SH3RF3: variants seen among roughly 807,000 people sequenced by gnomAD.
SH3RF3 encodes SH3 domain containing ring finger 3.
In SH3RF3, 29 loss-of-function variants were observed where a neutral mutation model predicts 66.3. The ratio of observed to expected loss-of-function variants is 0.44; its 90% CI spans 0.33 to 0.60. The LOEUF (loss-of-function observed/expected upper bound fraction) is 0.60, where lower values mean the gene tolerates loss of function less well. Ranked by LOEUF, SH3RF3 falls within the 20% of genes least tolerant of loss-of-function variation. The pLI is 0.04. For synonymous variants in SH3RF3, 583 were observed against 532.0 expected (o/e 1.10, Z -1.32); for missense variants, 1,194 against 1,190.9 (o/e 1.00, Z -0.04).
At chr2:109,144,846 G>T (rs1263610587) in intron 1 of SH3RF3, among the ~76,000 whole-genome samples, 1 of 152,234 alleles carries the variant, frequency 6.6e-6, no homozygotes, top group East Asian at 1.9e-4. Flanking sequence ...CGGGCAGGGG[G>T]CGGAAGGCAT....
chr2:109,336,808 AT>A (rs1682432977), intron 1 of SH3RF3, among the ~76,000 whole-genome samples: 2 of 152,202 alleles, frequency 1.3e-5, no homozygotes, highest in Admixed American at 1.3e-4. Context: ...ATAAATCAAC[AT>A]GGAAATGGGG....
chr2:109,205,865 C>A (rs1251968426), intron 1 of SH3RF3, among the ~76,000 whole-genome samples: 1 of 152,182 alleles, frequency 6.6e-6, no homozygotes, highest in East Asian at 1.9e-4. Context: ...TTTCTCCTTT[C>A]CGCTTCCTGT....
intron 1 of SH3RF3, among the ~76,000 whole-genome samples, chr2:109,139,830 C>T (rs1465910660): frequency 6.6e-6 from 1 of 152,152 alleles, no homozygotes; most frequent in Non-Finnish European, 1.5e-5. Context: ...TGCCAAAGAC[C>T]AATGTGTCCA....
At chr2:109,249,112 T>G (rs947641814) in intron 1 of SH3RF3, among the ~76,000 whole-genome samples, 1 of 152,170 alleles carries the variant, frequency 6.6e-6, no homozygotes, top group African/African-American at 2.4e-5. Context: ...AACTCCTGGC[T>G]TCAAGCAATT....
At chr2:109,429,922 G>C (rs1439285153) in intron 5 of SH3RF3, among the ~76,000 whole-genome samples, 1 of 151,658 alleles carries the variant, frequency 6.6e-6, no homozygotes, top group Non-Finnish European at 1.5e-5. Context: ...CCCAGCCCCA[G>C]TCAGCGGGTG....
chr2:109,187,355 CA>C (rs925061324), intron 1 of SH3RF3, among the ~76,000 whole-genome samples: 33 of 65,014 alleles, frequency 5.1e-4, no homozygotes, highest in African/African-American at 2.2e-3. Context: ...AAAAGACAAC[CA>C]CAGACTTTTT....
In SH3RF3 at chr2:109,212,769, G is replaced by A. The variant is rs576361510; in HGVS notation, c.573+82656G>A. On this transcript the variant is annotated intron_variant, in intron 1 of 9. Coordinates refer to ENST00000309415, the MANE Select transcript of SH3RF3 (RefSeq NM_001099289.3). ...CCCAAAGCAGCCTTCTCCCCCACCC[G>A]TCAGTTCCCTCTGCCCCTGGTATTT... is the stretch of plus-strand genomic sequence containing the variant. Among the ~76,000 whole-genome samples, 15 of 152,250 alleles carry A rather than the reference G, an allele frequency of 9.9e-5. No homozygotes were observed. In the East Asian group the frequency reaches 2.3e-3, roughly 24 times the overall value.
chr2:109,213,994 G>A (rs376144014), intron 1 of SH3RF3, among the ~76,000 whole-genome samples: 1 of 152,346 alleles, frequency 6.6e-6, no homozygotes, highest in Admixed American at 6.5e-5. Flanking sequence ...TTGGGTGGAC[G>A]TGGCGGGCAG....
At chr2:109,433,177 GTGTA>G (rs1361301300) in intron 6 of SH3RF3, among the ~76,000 whole-genome samples, 2 of 152,210 alleles carry the variant, frequency 1.3e-5, no homozygotes, top group African/African-American at 4.8e-5. Flanking sequence ...TACAGCATGT[GTGTA>G]TGCAGTGTGT....
At chr2:109,400,647 C>T (rs935211293) in intron 4 of SH3RF3, among the ~76,000 whole-genome samples, 3 of 152,060 alleles carry the variant, frequency 2.0e-5, no homozygotes, top group African/African-American at 7.2e-5. Flanking sequence ...CCCGTGCACA[C>T]ATGTAGACAT....
chr2:109,404,601 G>A (rs772034734), intron 4 of SH3RF3, among the ~76,000 whole-genome samples: 34 of 152,152 alleles, frequency 2.2e-4, no homozygotes, highest in Non-Finnish European at 3.5e-4. Context: ...AGGCTGCCAC[G>A]GGCACACAGG....
intron 1 of SH3RF3, among the ~76,000 whole-genome samples, chr2:109,193,056 T>A (rs1678407072): frequency 6.6e-6 from 1 of 152,146 alleles, no homozygotes; most frequent in African/African-American, 2.4e-5. Context: ...TGCCAAGAAA[T>A]TACTTAGTGT....
intron 1 of SH3RF3, among the ~76,000 whole-genome samples, chr2:109,307,297 T>C (rs534447256): frequency 5.9e-5 from 9 of 152,318 alleles, no homozygotes; most frequent in African/African-American, 1.9e-4. Flanking sequence ...ATATATGATA[T>C]TGAAGATGTT....
chr2:109,280,359 C>T (rs537287275), intron 1 of SH3RF3, among the ~76,000 whole-genome samples: 1 of 152,264 alleles, frequency 6.6e-6, no homozygotes, highest in Non-Finnish European at 1.5e-5. Flanking sequence ...GCAGTGGGCT[C>T]TGAGGGGCTC....
chr2:109,316,620 C>T (rs1482471259), intron 1 of SH3RF3, among the ~76,000 whole-genome samples: 7 of 152,200 alleles, frequency 4.6e-5, no homozygotes, highest in Admixed American at 4.6e-4. Context: ...CATAGACCTC[C>T]TGCCCCGCCC....
intron 1 of SH3RF3, among the ~76,000 whole-genome samples, chr2:109,239,110 G>A (rs1679719333): frequency 6.6e-6 from 1 of 152,178 alleles, no homozygotes; most frequent in South Asian, 2.1e-4. Flanking sequence ...TCCAAGACAC[G>A]TCTTTTCCGA....
intron 7 of SH3RF3, among the ~76,000 whole-genome samples, chr2:109,444,891 G>A (rs1677664586): frequency 6.6e-6 from 1 of 152,066 alleles, no homozygotes; most frequent in South Asian, 2.1e-4. Context: ...AAATCAGTAT[G>A]TTTAAGATCT....
chr2:109,288,638 C>A (rs1681093652), intron 1 of SH3RF3, among the ~76,000 whole-genome samples: 1 of 152,160 alleles, frequency 6.6e-6, no homozygotes, highest in African/African-American at 2.4e-5. Flanking sequence ...TCATTGTCAC[C>A]CAAGGAGACT....
rs1335917839 is a variant in SH3RF3 at position 109,503,570 on chromosome 2, AC to A, written c.*1901del. The A allele has an allele frequency of 6.6e-6, 1 of 152,178 alleles. No homozygotes were observed. The highest frequency in any genetic ancestry group is 1.5e-5 in the Non-Finnish European group (1 of 68,030). The allele number at this position is 152,178 out of a possible 1,614,324, so 9.4% of individuals were successfully genotyped here. A position where few individuals can be genotyped will look rare whatever the true frequency, so the allele number is the denominator to read the frequency against. On this transcript the variant is annotated 3_prime_UTR_variant, in exon 10 of 10. Transcript: ENST00000309415. The stretch of plus-strand genomic sequence containing the variant: ...AATGACAACCAAAAGCTCTCTATTT[AC>A]CATTATTGCCAAACTTCATCAGTTG...
Sources: allele counts gnomAD v4.1 joint callset (sites outside exome capture counted in the v4.1 genomes callset), GRCh38; gene constraint gnomAD v4.1.1; transcripts MANE v1.5; gene names NCBI Gene and HGNC (gene_info 2026-07-23, HGNC 2026-07-21).